The following CDYL variants were observed in gnomAD, a reference collection of about 807,000 sequenced individuals.
CDYL encodes the protein chromodomain Y-like protein.
In CDYL, 8 loss-of-function variants were observed where a neutral mutation model predicts 47.3. That is an observed-to-expected ratio of 0.17 (90% confidence interval 0.10 to 0.31). The LOEUF is 0.31. Among genes scored for constraint, CDYL ranks in the 10% least tolerant of loss-of-function variants. CDYL has a pLI of 1.00. For synonymous variants in CDYL, 266 were observed against 265.0 expected, an observed-to-expected ratio of 1.00 and a Z score of -0.04; for missense variants, 471 against 701.4, an observed-to-expected ratio of 0.67 and a Z score of 3.71.
Position 4,752,435 on chromosome 6 carries a change from A to C in CDYL, c.186+17591A>C, listed in dbSNP as rs369771018. ...TACATTTCTGAACTTGTACTTTAAC[A>C]GGCTTTCATCATAACTTCGGGAAAG... On this transcript the variant is annotated intron_variant, in intron 3 of 8. Coordinates refer to the CDYL transcript ENST00000328908. Among the ~76,000 whole-genome samples the C allele has an allele frequency of 7.9e-5, 12 of 152,298 alleles. No homozygotes were observed. In the East Asian group the frequency reaches 2.3e-3, roughly 29 times the overall value.
intron 1 of CDYL, among the ~76,000 whole-genome samples, chr6:4,817,558 G>C (rs529303052): frequency 1.3e-5 from 2 of 152,202 alleles, no homozygotes; most frequent in Non-Finnish European, 2.9e-5. Context: ...TAGAAGGTAA[G>C]TGATGTGGGA....
rs190128260 is a variant in CDYL, at chr6:4,853,958, T to G, written c.25-37755T>G. On this transcript the variant is annotated intron_variant, in intron 1 of 6. Coordinates refer to ENST00000397588, the MANE Select transcript of CDYL (RefSeq NM_004824.4). ...TTGTAAAATTTTGTTTTCCCGAAAT[T>G]CAGCACAGATGGGCTTCTGTGAAGG... 1.7e-3 allele frequency among the ~76,000 whole-genome samples: 263 copies of G among 152,352 alleles called. 3 individuals carry two copies. The highest frequency in any genetic ancestry group is 6.1e-3 in the African/African-American group (252 of 41,578).
intron 1 of CDYL, among the ~76,000 whole-genome samples, chr6:4,809,223 T>C (rs908197832): frequency 1.3e-5 from 2 of 152,256 alleles, no homozygotes; most frequent in Non-Finnish European, 2.9e-5. Context: ...TTGACTTTTT[T>C]CACTTATCAA....
At chr6:4,798,602 C>G (rs185678336) in intron 1 of CDYL, among the ~76,000 whole-genome samples, 2 of 152,112 alleles carry the variant, frequency 1.3e-5, no homozygotes, top group Non-Finnish European at 2.9e-5. Context: ...ATGTCAGTGC[C>G]TTGAGGAATT....
intron 1 of CDYL, among the ~76,000 whole-genome samples, chr6:4,784,777 C>T (rs918545234): frequency 1.3e-5 from 2 of 152,130 alleles, no homozygotes; most frequent in Admixed American, 1.3e-4. Context: ...TTGTAGCTCC[C>T]ATAATTCCCA....
chr6:4,804,698 G>A (rs1221380275), intron 1 of CDYL, among the ~76,000 whole-genome samples: 1 of 152,210 alleles, frequency 6.6e-6, no homozygotes. Flanking sequence ...CTGCTAAAAG[G>A]AACTGTCTGC....
At chr6:4,794,833 A>G (rs986130255) in intron 1 of CDYL, among the ~76,000 whole-genome samples, 1 of 152,206 alleles carries the variant, frequency 6.6e-6, no homozygotes, top group African/African-American at 2.4e-5. Flanking sequence ...ATGCCAGTAC[A>G]TAGAAAGGCT....
intron 2 of CDYL, among the ~76,000 whole-genome samples, chr6:4,914,381 C>G (rs1757497846): frequency 6.6e-6 from 1 of 152,130 alleles, no homozygotes; most frequent in African/African-American, 2.4e-5. Flanking sequence ...CACCTCCACA[C>G]TTTCTCATTA....
intron 1 of CDYL, among the ~76,000 whole-genome samples, chr6:4,881,141 C>T (rs974177967): frequency 6.6e-6 from 1 of 152,114 alleles, no homozygotes; most frequent in Non-Finnish European, 1.5e-5. Flanking sequence ...AAGTGGAGCA[C>T]TCAGTCCACT....
At chr6:4,858,535 G>A (rs1257476890) in intron 1 of CDYL, among the ~76,000 whole-genome samples, 1 of 152,186 alleles carries the variant, frequency 6.6e-6, no homozygotes, top group East Asian at 1.9e-4. Flanking sequence ...GAGCCACACA[G>A]CCCCAGCCAC....
intron 3 of CDYL, among the ~76,000 whole-genome samples, chr6:4,740,194 T>C (rs1757772701): frequency 6.6e-6 from 1 of 152,152 alleles, no homozygotes. Context: ...TTGCTTCCTG[T>C]TTCCCAACTA....
At chr6:4,799,832 G>A (rs1759175690) in intron 1 of CDYL, among the ~76,000 whole-genome samples, 1 of 151,824 alleles carries the variant, frequency 6.6e-6, no homozygotes, top group African/African-American at 2.4e-5. Context: ...TTGTGCATTG[G>A]TTGTTTCTGT....
chr6:4,760,255 G>C (rs1758154203), intron 3 of CDYL, among the ~76,000 whole-genome samples: 1 of 151,742 alleles, frequency 6.6e-6, no homozygotes, highest in South Asian at 2.1e-4. Context: ...CTGACTCCCT[G>C]TATCCTGGGA....
chr6:4,852,548 CT>C lies in CDYL; in HGVS notation c.25-39163del, dbSNP rs199605705. Among the ~76,000 whole-genome samples the C allele has an allele frequency of 1.8e-3, 232 of 129,356 alleles. 9 individuals are homozygous for C. Among genetic ancestry groups the C allele is most frequent in the African/African-American group, 7.3e-3 (223 of 30,724 alleles). The allele number at this position is 129,356 out of a possible 152,430, so 84.9% of individuals were successfully genotyped here. On this transcript the variant is annotated intron_variant, in intron 1 of 6. Coordinates refer to ENST00000397588, the MANE Select transcript of CDYL (RefSeq NM_004824.4). ...CCTTCCTTCCAATCTTCCTTCCTTC[CT>C]TCCTTCCTTCCAATCTTCCTTCCTT...
intron 1 of CDYL, among the ~76,000 whole-genome samples, chr6:4,848,656 T>C (rs1760734389): frequency 6.6e-6 from 1 of 152,246 alleles, no homozygotes; most frequent in Admixed American, 6.5e-5. Context: ...CTAGGGAGTA[T>C]TAGCACAGTG....
At chr6:4,850,191 C>T (rs1760782522) in intron 1 of CDYL, among the ~76,000 whole-genome samples, 1 of 152,182 alleles carries the variant, frequency 6.6e-6, no homozygotes, top group Admixed American at 6.5e-5. Context: ...TTGCCAGTAT[C>T]ACAATTCATT....
At chr6:4,909,438 T>A (rs1401292330) in intron 2 of CDYL, among the ~76,000 whole-genome samples, 5 of 152,220 alleles carry the variant, frequency 3.3e-5, no homozygotes, top group Non-Finnish European at 7.3e-5. Context: ...GCAATTGACA[T>A]CAGTCTTTAT....
intron 1 of CDYL, among the ~76,000 whole-genome samples, chr6:4,796,472 C>G (rs989269064): frequency 6.6e-6 from 1 of 151,994 alleles, no homozygotes; most frequent in East Asian, 1.9e-4. Context: ...TTACTATACC[C>G]TTCATTGTTT....
At chr6:4,868,599 A>G (rs926090072) in intron 1 of CDYL, among the ~76,000 whole-genome samples, 9 of 152,090 alleles carry the variant, frequency 5.9e-5, no homozygotes, top group Non-Finnish European at 1.3e-4. Context: ...AAATGTTCTG[A>G]GTGCACTTGG....
Sources: allele counts gnomAD v4.1 joint callset (sites outside exome capture counted in the v4.1 genomes callset), GRCh38; gene constraint gnomAD v4.1.1; transcripts MANE v1.5; gene names NCBI Gene and HGNC (gene_info 2026-07-23, HGNC 2026-07-21).